Variants in RGS7 observed in about 807,000 individuals in gnomAD.
The protein encoded by RGS7 is regulator of G-protein signaling 7.
Under a neutral mutation model 81.1 loss-of-function variants are expected in RGS7, and 27 were observed. That is an observed-to-expected ratio of 0.33 (90% CI 0.25 to 0.46). The LOEUF is 0.46. Ranked by LOEUF, RGS7 falls within the 20% of genes least tolerant of loss-of-function variation. RGS7 has a pLI of 1.00. For synonymous variants in RGS7, 208 were observed against 207.7 expected (o/e 1.00, Z -0.01); for missense variants, 396 against 607.4 (o/e 0.65, Z 3.66).
At chr1:240,964,225 GA>G (rs1469177627) in intron 4 of RGS7, among the ~76,000 whole-genome samples, 1 of 152,166 alleles carries the variant, frequency 6.6e-6, no homozygotes, top group African/African-American at 2.4e-5. Context: ...GTCTGATATT[GA>G]GAATGACTGA....
rs1673360209 is a variant in RGS7 at position 240,920,619 on chromosome 1, A to G, written c.385+10098T>C. 2.7e-6 allele frequency: 3 copies of G among 1,100,982 alleles called. No homozygotes were observed. In the East Asian group the frequency reaches 7.2e-5, roughly 26 times the overall value. 68.2% of individuals were successfully genotyped at this position (1,100,982 alleles called of 1,614,324 possible). A position where few individuals can be genotyped will look rare whatever the true frequency, so the allele number is the denominator to read the frequency against. On this transcript the variant is annotated intron_variant, in intron 6 of 18. Transcript: ENST00000440928. ...CAGTGGCAGAAGATTTTAATTAGGA[A>G]ACAAAGCTTAGCGGAAGAGGAGAGC...
chr1:241,281,497 C>T (rs913855881), intron 2 of RGS7, among the ~76,000 whole-genome samples: 4 of 152,172 alleles, frequency 2.6e-5, no homozygotes, highest in Admixed American at 6.5e-5. Flanking sequence ...CGCTGAATAA[C>T]ACCATGGGAC....
intron 3 of RGS7, among the ~76,000 whole-genome samples, chr1:241,087,949 TC>T (rs1359785657): frequency 0.03 from 1,761 of 59,440 alleles, 56 homozygotes; most frequent in African/African-American, 0.12. Context: ...ACTCCATCTC[TC>T]TCTCTCTCTC....
chr1:240,786,597 T>G (rs1685113319), intron 18 of RGS7, among the ~76,000 whole-genome samples: 1 of 152,216 alleles, frequency 6.6e-6, no homozygotes, highest in African/African-American at 2.4e-5. Flanking sequence ...TAACCATATA[T>G]ATGTACACAC....
chr1:241,305,097 A>G, intron 2 of RGS7, among the ~76,000 whole-genome samples: 1 of 152,230 alleles, frequency 6.6e-6, no homozygotes, highest in East Asian at 1.9e-4. Flanking sequence ...AAGACATCTC[A>G]TATTTTCTCA....
Position 240,868,538 on chromosome 1 carries a change from C to T in RGS7, c.609+49G>A. ...ACTTTGGCAGGGCACCCCTCACTTC[C>T]CACAGACGGAGAAGATGGATTCAAG... On this transcript the variant is annotated intron_variant, in intron 9 of 18. Coordinates refer to ENST00000440928, the MANE Select transcript of RGS7 (RefSeq NM_001364886.1). This position sits in a 1 kb window ranked among gnomAD's most constrained non-coding sequence, Gnocchi z 5.1. 6.4e-7 allele frequency: 1 copy of T among 1,558,292 alleles called. No individual in the cohort carries two copies. The highest frequency in any genetic ancestry group is 8.9e-7 in the Non-Finnish European group (1 of 1,129,760).
intron 2 of RGS7, among the ~76,000 whole-genome samples, chr1:241,136,741 CA>C (rs145145542): frequency 0.013 from 1,925 of 152,254 alleles, 49 homozygotes; most frequent in East Asian, 0.06. Context: ...TAGTTCAGCT[CA>C]AGTGCATTTG....
intron 3 of RGS7, among the ~76,000 whole-genome samples, chr1:241,033,503 GT>G (rs1313050868): frequency 6.6e-6 from 1 of 151,886 alleles, no homozygotes; most frequent in Non-Finnish European, 1.5e-5. Flanking sequence ...TTCATTATGA[GT>G]TTTTATATTT....
chr1:240,823,759 CA>C (rs1044299234), intron 10 of RGS7, among the ~76,000 whole-genome samples: 19 of 152,138 alleles, frequency 1.2e-4, no homozygotes, highest in Middle Eastern at 3.2e-3. Context: ...CGCCAAGCCT[CA>C]GTAATCCTGG....
chr1:241,068,658 G>A (rs1051227178), intron 3 of RGS7, among the ~76,000 whole-genome samples: 3 of 151,996 alleles, frequency 2.0e-5, no homozygotes, highest in East Asian at 1.9e-4. Flanking sequence ...ATCTTTTCTC[G>A]AGACAGACTT....
intron 2 of RGS7, among the ~76,000 whole-genome samples, chr1:241,267,688 C>T (rs1038681022): frequency 1.4e-4 from 21 of 152,136 alleles, no homozygotes; most frequent in Admixed American, 2.0e-4. Flanking sequence ...TTTTATTTTA[C>T]TCTCCAGGCA....
chr1:240,805,997 C>T (rs1006173221), intron 15 of RGS7, 143 bp downstream of exon 15: 1 of 767,582 alleles, frequency 1.3e-6, no homozygotes, highest in Non-Finnish European at 2.3e-6. Context: ...TTGTTCCTTC[C>T]TAGATCAGTT....
chr1:240,967,519 G>A (rs1394612772), intron 4 of RGS7, among the ~76,000 whole-genome samples: 1 of 149,846 alleles, frequency 6.7e-6, no homozygotes. Context: ...GTAATACCCC[G>A]GGCACAAGCA....
chr1:241,101,730 GC>G (rs1276642760), intron 2 of RGS7, among the ~76,000 whole-genome samples: 1 of 152,128 alleles, frequency 6.6e-6, no homozygotes, highest in East Asian at 1.9e-4. Flanking sequence ...TGCAGAATAA[GC>G]TGCTTTGTCC....
At chr1:241,058,234 A>G (rs1414984555) in intron 3 of RGS7, among the ~76,000 whole-genome samples, 3 of 152,190 alleles carry the variant, frequency 2.0e-5, no homozygotes, top group Admixed American at 6.5e-5. Context: ...TCCACCAGTA[A>G]AGGGAAGAAT....
chr1:241,070,894 T>C (rs1036337022), intron 3 of RGS7, among the ~76,000 whole-genome samples: 4 of 152,226 alleles, frequency 2.6e-5, no homozygotes, highest in Non-Finnish European at 5.9e-5. Flanking sequence ...CATAAAAATA[T>C]GTCCATTGCT....
At chr1:241,347,917 G>A (rs1362479398) in intron 2 of RGS7, among the ~76,000 whole-genome samples, 1 of 151,764 alleles carries the variant, frequency 6.6e-6, no homozygotes, top group Non-Finnish European at 1.5e-5. Context: ...AAAATAATTT[G>A]TTGAACTCTA....
intron 2 of RGS7, among the ~76,000 whole-genome samples, chr1:241,198,471 A>C (rs559088705): frequency 3.3e-5 from 5 of 152,050 alleles, no homozygotes; most frequent in African/African-American, 9.7e-5. Context: ...AAAAAGGCAG[A>C]AAAAAATCCA....
chr1:241,355,617 A>T, intron 2 of RGS7, 82 bp downstream of exon 2: 1 of 1,197,938 alleles, frequency 8.3e-7, no homozygotes, highest in South Asian at 1.2e-5. Flanking sequence ...CACAAAGTTG[A>T]TACATACTCT....
Sources: gnomAD v4.1 joint callset for allele counts (sites outside exome capture counted in the v4.1 genomes callset) on GRCh38, gnomAD v4.1.1 for gene constraint, Gnocchi (gnomAD v3.1) non-coding constraint, MANE v1.5 for transcripts, NCBI Gene and HGNC (gene_info 2026-07-23, HGNC 2026-07-21) for gene names.